MEF2B: variants seen among roughly 807,000 people sequenced by gnomAD.
MEF2B encodes myocyte-specific enhancer factor 2B.
Under a neutral mutation model 32.2 loss-of-function variants are expected in MEF2B, and 15 were observed. That is an observed-to-expected ratio of 0.47 (90% confidence interval 0.31 to 0.72). The LOEUF (loss-of-function observed/expected upper bound fraction) is 0.72. MEF2B is among the 30% of genes least tolerant of loss of function. The pLI is 0.05. For missense variants in MEF2B, 441 were observed against 511.5 expected, an observed-to-expected ratio of 0.86 and a Z score of 1.33; for synonymous variants, 205 against 225.6, an observed-to-expected ratio of 0.91 and a Z score of 0.82.
chr19:19,150,565 G>T, intron 2 of MEF2B, 117 bp downstream of exon 2: 1 of 1,266,372 alleles, frequency 7.9e-7, no homozygotes, highest in Non-Finnish European at 1.1e-6. Flanking sequence ...ATGGCATCAG[G>T]ACTCCTCATG....
At chr19:19,152,752 C>T (rs1390027460) in intron 1 of MEF2B, among the ~76,000 whole-genome samples, 3 of 152,242 alleles carry the variant, frequency 2.0e-5, no homozygotes, top group Admixed American at 1.3e-4. Context: ...GTTCTCAGGG[C>T]TTCCCAGACC....
chr19:19,148,546 C>T (rs376949694), intron 3 of MEF2B, among the ~76,000 whole-genome samples: 16 of 152,192 alleles, frequency 1.1e-4, no homozygotes, highest in African/African-American at 3.4e-4. Context: ...CGCATGCTCC[C>T]GGACCCCAAC....
chr19:19,159,241 TAAAA>T (rs35056015), intron 1 of MEF2B, among the ~76,000 whole-genome samples: 4 of 88,012 alleles, frequency 4.5e-5, no homozygotes, highest in South Asian at 4.5e-4. Context: ...GTGCGTGGCC[TAAAA>T]AAAAAAAAAA....
chr19:19,148,091 G>A (rs529142622), intron 3 of MEF2B, among the ~76,000 whole-genome samples: 2 of 152,260 alleles, frequency 1.3e-5, no homozygotes, highest in Non-Finnish European at 2.9e-5. Context: ...GCCTGTTGGC[G>A]CTGTCCTAAT....
Position 19,163,388 on chromosome 19 carries a change from G to A in MEF2B, c.-30+6817C>T, listed in dbSNP as rs561004132. Among the ~76,000 whole-genome samples, 3 of 152,154 alleles carry A rather than the reference G, an allele frequency of 2.0e-5. No homozygotes were observed. The South Asian group carries it at 6.2e-4, about 32-fold the overall frequency. ...TGGTCTCAAACTCCTGGTCTCAAGTGATCCTGCTGCCTCGGTCTTCCATAG... is the reference window on the plus strand; with the variant it reads ...TGGTCTCAAACTCCTGGTCTCAAGTAATCCTGCTGCCTCGGTCTTCCATAG... On this transcript the variant is annotated intron_variant, in intron 1 of 8. Coordinates refer to ENST00000424583, the MANE Select transcript of MEF2B (RefSeq NM_001145785.2).
Position 19,146,313 on chromosome 19 carries a change from AGGGCTGCCAGGGGGCCAGGGTGGG to A in MEF2B, c.817_840del (p.Pro273_Pro280del). On this transcript the variant is annotated inframe_deletion, in exon 8 of 9. Coordinates refer to ENST00000424583, the MANE Select transcript of MEF2B (RefSeq NM_001145785.2). ...ACGGCGGGGGGCCCATCACCCCTCG[AGGGCTGCCAGGGGGCCAGGGTGGG>A]GGGCTGCAACAAGCCAGGGGGCGGT... is the stretch of plus-strand genomic sequence containing the variant. 8.2e-7 allele frequency: 1 copy of A among 1,217,412 alleles called. No homozygotes were observed. The highest frequency in any genetic ancestry group is 1.0e-6 in the Non-Finnish European group (1 of 969,580). 75.4% of individuals were successfully genotyped at this position (1,217,412 alleles called of 1,614,324 possible).
chr19:19,152,591 C>G (rs1305344512), intron 1 of MEF2B, among the ~76,000 whole-genome samples: 1 of 152,154 alleles, frequency 6.6e-6, no homozygotes, highest in African/African-American at 2.4e-5. Flanking sequence ...GTAGACCCAG[C>G]TACTCAGGAT....
rs1416703856 is a variant in MEF2B, at chr19:19,146,294, G to C, written c.860C>G (p.Pro287Arg). Residue 287 changes from proline (P) to arginine (R), a missense_variant, in exon 8 of 9, where the codon CCC (proline) becomes CGC (arginine). Pro to Arg is a moderately radical substitution (Grantham distance 103). Transcript: ENST00000424583. ...PWQPSRGDGP[P>R]AVSSQPSGGR... Reference sequence around the variant, plus strand: ...TTACCTGGGCTGGGAGGACACGGCGGGGGGCCCATCACCCCTCGAGGGCTG... The same window carrying C: ...TTACCTGGGCTGGGAGGACACGGCGCGGGGCCCATCACCCCTCGAGGGCTG... The C allele has an allele frequency of 1.5e-6, 2 of 1,336,890 alleles. No homozygotes were observed. The highest frequency in any genetic ancestry group is 1.9e-6 in the Non-Finnish European group (2 of 1,037,026). The allele number at this position is 1,336,890 out of a possible 1,614,324, so 82.8% of individuals were successfully genotyped here. A position where few individuals can be genotyped will look rare whatever the true frequency, so the allele number is the denominator to read the frequency against.
In MEF2B at chr19:19,145,697, C is replaced by T. The variant is rs1313991574; in HGVS notation, c.*100G>A. ...GCCCCCACCGCGGAGGGGGGCGTCA[C>T]TGTTGGGTCTTCTCTGAAGAGGCCT... On this transcript the variant is annotated 3_prime_UTR_variant, in exon 9 of 9. Transcript: ENST00000424583. This position sits in a 1 kb window ranked among gnomAD's most constrained non-coding sequence, Gnocchi z 4.6. 1 of 1,553,316 alleles carries T rather than the reference C, an allele frequency of 6.4e-7. No homozygotes were observed. The highest frequency in any genetic ancestry group is 8.7e-7 in the Non-Finnish European group (1 of 1,148,514).
Position 19,145,746 on chromosome 19 carries a change from G to T in MEF2B, c.*51C>A. 6.4e-7 allele frequency: 1 copy of T among 1,558,168 alleles called. No individual in the cohort carries two copies. The highest frequency in any genetic ancestry group is 2.4e-5 in the East Asian group (1 of 42,206). On this transcript the variant is annotated 3_prime_UTR_variant, in exon 9 of 9. Transcript: ENST00000424583. This position sits in a 1 kb window ranked among gnomAD's most constrained non-coding sequence, Gnocchi z 4.6. ...CTGGAGGGAGGTGGGGTCCCCACGT[G>T]CCCTCGCCGTACCTGGCGAGCGCTC...
In MEF2B at chr19:19,169,991, C is replaced by T. The variant is rs566095735; in HGVS notation, c.-30+214G>A. On this transcript the variant is annotated intron_variant, in intron 1 of 8. Transcript: ENST00000424583. ...AGACGCAGAGCCCTTGGACACACAA[C>T]TTCCAGACCCACACCCTTCAGACAC... Among the ~76,000 whole-genome samples the T allele has an allele frequency of 1.2e-3, 184 of 152,274 alleles. 1 individual carries two copies. Among genetic ancestry groups the T allele is most frequent in the African/African-American group, 4.1e-3 (172 of 41,544 alleles).
chr19:19,161,501 A>C (rs933687550), intron 1 of MEF2B, among the ~76,000 whole-genome samples: 4 of 151,890 alleles, frequency 2.6e-5, no homozygotes, highest in African/African-American at 9.7e-5. Flanking sequence ...CCAAACACAC[A>C]CATCCCCAAA....
rs528007336 is a variant in MEF2B, at chr19:19,150,240, C to T, written c.54+442G>A. On this transcript the variant is annotated intron_variant, in intron 2 of 8. Coordinates refer to ENST00000424583, the MANE Select transcript of MEF2B (RefSeq NM_001145785.2). ...GGAGGGAGGGAGGGGAAACAAGAAA[C>T]ACTGACAGACCAGGCGCGGTGGCTC... 3.6e-4 allele frequency among the ~76,000 whole-genome samples: 53 copies of T among 148,264 alleles called. 1 individual carries two copies. The South Asian group carries it at 8.9e-3, about 25-fold the overall frequency.
At chr19:19,156,722 G>A (rs1348282079) in intron 1 of MEF2B, among the ~76,000 whole-genome samples, 1 of 152,108 alleles carries the variant, frequency 6.6e-6, no homozygotes, top group African/African-American at 2.4e-5. Context: ...TGCAATTATA[G>A]CTCACTGTAG....
chr19:19,151,795 C>T (rs1319418996), intron 1 of MEF2B, among the ~76,000 whole-genome samples: 1 of 152,074 alleles, frequency 6.6e-6, no homozygotes, highest in Non-Finnish European at 1.5e-5. Context: ...AAATGCTGAG[C>T]ACCCACCACC....
chr19:19,160,994 C>G (rs1314968835), intron 1 of MEF2B, among the ~76,000 whole-genome samples: 9 of 152,132 alleles, frequency 5.9e-5, no homozygotes, highest in Non-Finnish European at 1.0e-4. Flanking sequence ...CCCGCACCTG[C>G]CCTCAGGGAC....
chr19:19,148,498 C>G (rs965199822), intron 3 of MEF2B, among the ~76,000 whole-genome samples: 12 of 152,026 alleles, frequency 7.9e-5, no homozygotes, highest in Non-Finnish European at 1.3e-4. Context: ...GAAACGCCAG[C>G]AGATTTCCTG....
In MEF2B at chr19:19,168,338, A is replaced by T. The variant is rs560969430; in HGVS notation, c.-30+1867T>A. On this transcript the variant is annotated intron_variant, in intron 1 of 8. Transcript: ENST00000424583. Reference sequence around the variant, plus strand: ...GCCCAGGCTGGAGTGCAATGACACGATCTTCGCTCACCACAACCTCCGCCT... The same window carrying T: ...GCCCAGGCTGGAGTGCAATGACACGTTCTTCGCTCACCACAACCTCCGCCT... Among the ~76,000 whole-genome samples the T allele has an allele frequency of 4.5e-4, 62 of 137,430 alleles. 1 individual carries two copies. The highest frequency in any genetic ancestry group is 1.7e-3 in the African/African-American group (60 of 36,124). 90.2% of individuals were successfully genotyped at this position (137,430 alleles called of 152,430 possible). A position where few individuals can be genotyped will look rare whatever the true frequency, so the allele number is the denominator to read the frequency against.
intron 1 of MEF2B, among the ~76,000 whole-genome samples, chr19:19,166,434 A>G (rs1036456311): frequency 5.3e-5 from 8 of 152,190 alleles, no homozygotes; most frequent in South Asian, 2.1e-4. Context: ...CCTGACCCCA[A>G]AAGGGATCCC....
Sources: allele counts gnomAD v4.1 joint callset (sites outside exome capture counted in the v4.1 genomes callset), GRCh38; gene constraint gnomAD v4.1.1; non-coding constraint Gnocchi (gnomAD v3.1); transcripts MANE v1.5; gene names NCBI Gene and HGNC (gene_info 2026-07-23, HGNC 2026-07-21).